The following ABAT variants were observed in gnomAD, a reference collection of about 807,000 sequenced individuals.
ABAT encodes 4-aminobutyrate aminotransferase, also known as 4-aminobutyrate aminotransferase, mitochondrial.
A neutral mutation model predicts 64.6 loss-of-function variants in ABAT; 45 were observed. That is an observed-to-expected ratio of 0.70 (90% CI 0.55 to 0.89). The LOEUF (loss-of-function observed/expected upper bound fraction) is 0.89. Among genes scored for constraint, ABAT ranks in the 40% least tolerant of loss-of-function variants. The pLI, the probability that ABAT is intolerant of heterozygous loss-of-function variation, is 0.00. For missense variants in ABAT, 633 were observed against 658.4 expected, an observed-to-expected ratio of 0.96 and a Z score of 0.42; for synonymous variants, 297 against 250.5, an observed-to-expected ratio of 1.19 and a Z score of -1.75.
chr16:8,690,975 G>A (rs1006636), intron 1 of ABAT, among the ~76,000 whole-genome samples: 1 of 151,958 alleles, frequency 6.6e-6, no homozygotes, highest in African/African-American at 2.4e-5. Context: ...CACTGCTTCA[G>A]GGAGGTTTTA....
At chr16:8,708,127 T>G (rs1448775430) in intron 1 of ABAT, among the ~76,000 whole-genome samples, 1 of 152,006 alleles carries the variant, frequency 6.6e-6, no homozygotes, top group Non-Finnish European at 1.5e-5. Context: ...AAGCCTGAAC[T>G]TGATCATTCC....
rs2059951829 is a variant in ABAT at position 8,766,567 on chromosome 16, A to C, written c.603+297A>C. ...CTACTTGGGAGGCTGAGGCAGGAGAATCATTTGAACCCAGGAGGTGGAGGT... is the reference window on the plus strand; with the variant it reads ...CTACTTGGGAGGCTGAGGCAGGAGACTCATTTGAACCCAGGAGGTGGAGGT... On this transcript the variant is annotated intron_variant, in intron 9 of 15. Coordinates refer to ENST00000268251, the MANE Select transcript of ABAT (RefSeq NM_020686.6). 2.0e-5 allele frequency among the ~76,000 whole-genome samples: 3 copies of C among 152,224 alleles called. 1 individual carries two copies. The highest frequency in any genetic ancestry group is 6.5e-5 in the Admixed American group (1 of 15,284).
rs553384760 is a variant in ABAT at position 8,717,577 on chromosome 16, T to C, written c.-41-18122T>C. ...TGAATTGATTTCTAAGTTACATTAA[T>C]ACACACTGGCCCTGGTGCTGTAGCT... On this transcript the variant is annotated intron_variant, in intron 1 of 15. Transcript: ENST00000268251. Among the ~76,000 whole-genome samples the C allele has an allele frequency of 2.2e-4, 34 of 152,310 alleles. No homozygotes were observed. In the South Asian group the frequency reaches 6.2e-3, roughly 28 times the overall value.
At chr16:8,770,511 T>C (rs980129690) in intron 11 of ABAT, among the ~76,000 whole-genome samples, 3 of 152,102 alleles carry the variant, frequency 2.0e-5, no homozygotes, top group African/African-American at 7.2e-5. Flanking sequence ...CAATCACAGC[T>C]CACTGCAGTC....
chr16:8,684,655 C>T (rs2141933438), intron 1 of ABAT, among the ~76,000 whole-genome samples: 1 of 150,886 alleles, frequency 6.6e-6, no homozygotes, highest in Non-Finnish European at 1.5e-5. Context: ...GGAGGCCGAG[C>T]CAGGCTGCAC....
intron 1 of ABAT, among the ~76,000 whole-genome samples, chr16:8,724,519 C>G (rs986836204): frequency 6.6e-6 from 1 of 151,988 alleles, no homozygotes; most frequent in Non-Finnish European, 1.5e-5. Context: ...ACTGCTTGAG[C>G]CCAGGAGTTC....
chr16:8,716,873 C>G (rs550969441), intron 1 of ABAT, among the ~76,000 whole-genome samples: 1 of 152,344 alleles, frequency 6.6e-6, no homozygotes, highest in Admixed American at 6.5e-5. Context: ...TTCATCACAT[C>G]TGGTCATTGA....
At chr16:8,758,762 T>A (rs143869798) in intron 6 of ABAT, among the ~76,000 whole-genome samples, 1 of 152,142 alleles carries the variant, frequency 6.6e-6, no homozygotes, top group African/African-American at 2.4e-5. Flanking sequence ...ACATGACACC[T>A]GTCTCTATCC....
chr16:8,782,070 C>G lies in ABAT; in HGVS notation c.*640C>G, dbSNP rs1174286731. On this transcript the variant is annotated 3_prime_UTR_variant, in exon 16 of 16. Transcript: ENST00000268251. ...CCTCTCAGTGCACCTGGGGATCCCC[C>G]TAAACTGTGAATTCTGCCCTGGACA... is the stretch of plus-strand genomic sequence containing the variant. 6.2e-6 allele frequency: 1 copy of G among 160,830 alleles called. No individual in the cohort carries two copies. 10.0% of individuals were successfully genotyped at this position (160,830 alleles called of 1,614,324 possible).
intron 5 of ABAT, among the ~76,000 whole-genome samples, chr16:8,752,881 G>A (rs1278277227): frequency 6.6e-6 from 1 of 152,126 alleles, no homozygotes; most frequent in Non-Finnish European, 1.5e-5. Context: ...TACTTATAGA[G>A]AATTTACTAT....
chr16:8,776,605 A>G lies in ABAT; in HGVS notation c.1269+115A>G, dbSNP rs984333693. Reference sequence around the variant, plus strand: ...GTGCCTGCTGTTCCAGCAGTTCGTAACGGGCTGTGCTGCTCCTAGCCTTGG... The same window carrying G: ...GTGCCTGCTGTTCCAGCAGTTCGTAGCGGGCTGTGCTGCTCCTAGCCTTGG... On this transcript the variant is annotated intron_variant, in intron 14 of 15. Coordinates refer to ENST00000268251, the MANE Select transcript of ABAT (RefSeq NM_020686.6). The surrounding 1 kb of genome is among the most constrained non-coding windows in gnomAD (Gnocchi z 4.4). The G allele has an allele frequency of 8.6e-7, 1 of 1,163,448 alleles. No homozygotes were observed. Among genetic ancestry groups the G allele is most frequent in the African/African-American group, 1.5e-5 (1 of 65,728 alleles). The allele number at this position is 1,163,448 out of a possible 1,614,324, so 72.1% of individuals were successfully genotyped here.
rs747211337 is a variant in ABAT at position 8,738,595 on chromosome 16, T to A, written c.70+2786T>A. The A allele has an allele frequency of 1.5e-4, 57 of 384,864 alleles. 1 individual carries two copies. The highest frequency in any genetic ancestry group is 2.5e-4 in the Non-Finnish European group (49 of 199,524). The allele number at this position is 384,864 out of a possible 1,614,324, so 23.8% of individuals were successfully genotyped here. On this transcript the variant is annotated intron_variant, in intron 2 of 15. Coordinates refer to ENST00000268251, the MANE Select transcript of ABAT (RefSeq NM_020686.6). ...CTTTTGAGGTTTTGCTTTTCCTTTT[T>A]TCTTTTTTGTTTTTGTTTTTGTTTT...
intron 5 of ABAT, among the ~76,000 whole-genome samples, chr16:8,756,481 T>C (rs80312927): frequency 0.024 from 3,669 of 152,322 alleles, 155 homozygotes; most frequent in African/African-American, 0.082. Context: ...ACGTGTGCCA[T>C]GGTGGTTTAC....
chr16:8,750,366 AG>A (rs1262031309), intron 4 of ABAT, 55 bp from the exon 5 acceptor site: 70 of 1,434,622 alleles, frequency 4.9e-5, no homozygotes, highest in Middle Eastern at 1.7e-4. Context: ...TAATCCTAAA[AG>A]CCCAAGAATC....
chr16:8,702,189 G>T lies in ABAT; in HGVS notation c.-42+27478G>T, dbSNP rs2057838489. ...AGACATCAGGAAACTTACAATCATG[G>T]CAGGAGGTGAAGGGGGAGCAGGCAT... On this transcript the variant is annotated intron_variant, in intron 1 of 15. Transcript: ENST00000268251. Among the ~76,000 whole-genome samples, 4 of 152,240 alleles carry T rather than the reference G, an allele frequency of 2.6e-5. No individual in the cohort carries two copies. The South Asian group carries it at 8.3e-4, about 32-fold the overall frequency.
At chr16:8,756,881 G>C (rs890355580) in intron 5 of ABAT, among the ~76,000 whole-genome samples, 1 of 152,182 alleles carries the variant, frequency 6.6e-6, no homozygotes, top group Non-Finnish European at 1.5e-5. Context: ...TGCTGAATCC[G>C]AGTGTGCTAA....
At chr16:8,755,537 C>G (rs935828649) in intron 5 of ABAT, among the ~76,000 whole-genome samples, 6 of 152,192 alleles carry the variant, frequency 3.9e-5, no homozygotes, top group African/African-American at 1.4e-4. Context: ...TGTGCTCCAA[C>G]CTTATGTGTA....
At chr16:8,691,743 A>G (rs953449880) in intron 1 of ABAT, among the ~76,000 whole-genome samples, 1 of 152,190 alleles carries the variant, frequency 6.6e-6, no homozygotes, top group African/African-American at 2.4e-5. Flanking sequence ...GCCCAGTGCC[A>G]AGGGACTTTT....
At chr16:8,726,731 T>C (rs1052774994) in intron 1 of ABAT, among the ~76,000 whole-genome samples, 8 of 152,228 alleles carry the variant, frequency 5.3e-5, no homozygotes, top group Non-Finnish European at 1.2e-4. Context: ...CTGGATCATA[T>C]GGTAGCTCAA....
Sources: allele counts gnomAD v4.1 joint callset (sites outside exome capture counted in the v4.1 genomes callset), GRCh38; gene constraint gnomAD v4.1.1; non-coding constraint Gnocchi (gnomAD v3.1); transcripts MANE v1.5; gene names NCBI Gene and HGNC (gene_info 2026-07-23, HGNC 2026-07-21).